GPAM: variants seen among roughly 807,000 people sequenced by gnomAD.
The protein encoded by GPAM is glycerol-3-phosphate acyltransferase, mitochondrial.
A neutral mutation model predicts 105.0 loss-of-function variants in GPAM; 56 were observed. That is an observed-to-expected ratio of 0.53 (90% CI 0.43 to 0.67). GPAM has a LOEUF of 0.67. Among genes scored for constraint, GPAM ranks in the 30% least tolerant of loss-of-function variants. The pLI is 0.00. For synonymous variants in GPAM, 368 were observed against 354.4 expected, an observed-to-expected ratio of 1.04 and a Z score of -0.43; for missense variants, 855 against 989.8, an observed-to-expected ratio of 0.86 and a Z score of 1.83.
intron 18 of GPAM, among the ~76,000 whole-genome samples, chr10:112,157,624 AG>A (rs1403872259): frequency 6.6e-6 from 1 of 152,238 alleles, no homozygotes; most frequent in Non-Finnish European, 1.5e-5. Flanking sequence ...ATCAAATAAA[AG>A]TACCCCCACA....
intron 1 of GPAM, among the ~76,000 whole-genome samples, chr10:112,183,205 A>G (rs921928960): frequency 6.6e-6 from 1 of 152,250 alleles, no homozygotes; most frequent in African/African-American, 2.4e-5. Flanking sequence ...AAATGGGCAG[A>G]ATGATAGCTC....
chr10:112,209,535 A>T (rs1847888277), intron 1 of GPAM, among the ~76,000 whole-genome samples: 1 of 152,068 alleles, frequency 6.6e-6, no homozygotes, highest in South Asian at 2.1e-4. Flanking sequence ...CCTCTCCCAC[A>T]TTGCCTGCAG....
intron 1 of GPAM, among the ~76,000 whole-genome samples, chr10:112,211,062 C>T (rs915462325): frequency 7.2e-5 from 11 of 152,210 alleles, no homozygotes; most frequent in African/African-American, 2.7e-4. Flanking sequence ...ACTGGGTCTA[C>T]AGGAAGGATG....
chr10:112,197,795 T>G (rs1202323288), intron 1 of GPAM, among the ~76,000 whole-genome samples: 4 of 151,992 alleles, frequency 2.6e-5, no homozygotes, highest in African/African-American at 9.7e-5. Context: ...ATTTCATCCA[T>G]GTCCCTACAA....
chr10:112,153,594 G>C lies in GPAM; in HGVS notation c.2443C>G (p.Arg815Gly), dbSNP rs1347136245. ...LSSTFLPQCN[R>G]QKLLEYILSF... Reference sequence around the variant, plus strand: ...AGAATATATTCTAGAAGTTTTTGTCGGTTGCATTGAGGTAGAAAAGTGCTG... The same window carrying C: ...AGAATATATTCTAGAAGTTTTTGTCCGTTGCATTGAGGTAGAAAAGTGCTG... The change falls in exon 22 of 22, where the codon CGA becomes GGA. Residue 815 changes from arginine to glycine, a missense_variant. Transcript: ENST00000348367. The C allele has an allele frequency of 6.2e-7, 1 of 1,613,932 alleles. No homozygotes were observed. Among genetic ancestry groups the C allele is most frequent in the Non-Finnish European group, 8.5e-7 (1 of 1,179,916 alleles).
intron 1 of GPAM, among the ~76,000 whole-genome samples, chr10:112,210,806 G>C (rs766538814): frequency 1.3e-5 from 2 of 152,212 alleles, no homozygotes; most frequent in Non-Finnish European, 2.9e-5. Flanking sequence ...ACTAATAAGA[G>C]CTCACAATAG....
chr10:112,197,748 T>G (rs1313633389), intron 1 of GPAM, among the ~76,000 whole-genome samples: 1 of 150,650 alleles, frequency 6.6e-6, no homozygotes, highest in East Asian at 1.9e-4. Context: ...TTTGGTTTTT[T>G]GTTCTTGCGA....
At chr10:112,175,972 T>G (rs1438113366) in intron 5 of GPAM, among the ~76,000 whole-genome samples, 2 of 152,124 alleles carry the variant, frequency 1.3e-5, no homozygotes, top group Non-Finnish European at 2.9e-5. Context: ...AACCCTAATA[T>G]GAAAACAAAA....
At position 112,160,090 on chromosome 10, in the gene GPAM, A is replaced by G. The variant is rs575224323; in HGVS notation, c.1760-37T>C. 3.2e-5 allele frequency: 52 copies of G among 1,609,110 alleles called. No individual in the cohort carries two copies. In the South Asian group the frequency reaches 5.7e-4, roughly 18 times the overall value. Reference sequence around the variant, plus strand: ...AAAGCAACAATGAAGTTGCCAGCTCAAAGTCTCCAAGAAAAACTTCAACTG... The same window carrying G: ...AAAGCAACAATGAAGTTGCCAGCTCGAAGTCTCCAAGAAAAACTTCAACTG... On this transcript the variant is annotated intron_variant, in intron 16 of 21. Coordinates refer to ENST00000348367, the MANE Select transcript of GPAM (RefSeq NM_001244949.2).
chr10:112,192,016 G>C (rs1159879407), intron 1 of GPAM, among the ~76,000 whole-genome samples: 1 of 152,194 alleles, frequency 6.6e-6, no homozygotes, highest in African/African-American at 2.4e-5. Context: ...GCAGAGCCCA[G>C]GCAAGGTGCA....
intron 8 of GPAM, 37 bp from the exon 9 acceptor site, chr10:112,172,355 T>C (rs752956954): frequency 4.3e-5 from 68 of 1,592,568 alleles, no homozygotes; most frequent in Admixed American, 3.3e-5. Flanking sequence ...AAAACTCAAA[T>C]GTAAAATTCA....
intron 6 of GPAM, among the ~76,000 whole-genome samples, chr10:112,174,255 ATTTACT>A (rs897493057): frequency 4.6e-5 from 7 of 152,220 alleles, no homozygotes; most frequent in Non-Finnish European, 1.0e-4. Flanking sequence ...TGAAGACTTA[ATTTACT>A]TTTAATTTGT....
intron 21 of GPAM, 132 bp downstream of exon 21, chr10:112,154,497 T>C (rs932294995): frequency 1.4e-6 from 1 of 715,866 alleles, no homozygotes. Context: ...TTCCCAAAAA[T>C]GCCTTTATCA....
intron 1 of GPAM, among the ~76,000 whole-genome samples, chr10:112,202,545 T>A (rs1448748281): frequency 1.3e-5 from 2 of 152,248 alleles, no homozygotes; most frequent in South Asian, 4.1e-4. Flanking sequence ...GACTGAATTA[T>A]AACCATCACT....
At position 112,168,693 on chromosome 10, in the gene GPAM, TAACAAC is replaced by T. The variant is rs374622483; in HGVS notation, c.894+154_894+159del. ...CTCCTCCAATGCTATATTTTGGTAA[TAACAAC>T]AACAACAACAACAACAAATTACCAA... is the stretch of plus-strand genomic sequence containing the variant. On this transcript the variant is annotated intron_variant, in intron 10 of 21. Transcript: ENST00000348367. 2.9e-3 allele frequency among the ~76,000 whole-genome samples: 442 copies of T among 152,078 alleles called. 1 individual carries two copies. The highest frequency in any genetic ancestry group is 0.01 in the African/African-American group (417 of 41,514).
intron 1 of GPAM, among the ~76,000 whole-genome samples, chr10:112,196,181 T>A (rs1403542112): frequency 3.3e-5 from 5 of 152,172 alleles, no homozygotes; most frequent in African/African-American, 1.2e-4. Context: ...AGAGACTTAT[T>A]TTTATTGTTT....
At chr10:112,179,078 G>T (rs1035426802) in intron 4 of GPAM, among the ~76,000 whole-genome samples, 2 of 152,126 alleles carry the variant, frequency 1.3e-5, no homozygotes, top group African/African-American at 4.8e-5. Flanking sequence ...TCTCTTTAGA[G>T]AAAAGGAAAA....
intron 11 of GPAM, 88 bp from the exon 12 acceptor site, chr10:112,166,603 T>A: frequency 1.2e-6 from 1 of 816,028 alleles, no homozygotes; most frequent in South Asian, 1.3e-5. Context: ...ACTTGTTTTA[T>A]GGAAACTGTA....
chr10:112,216,229 TA>T (rs1847966390), upstream of GPAM, among the ~76,000 whole-genome samples: 2 of 152,344 alleles, frequency 1.3e-5, no homozygotes, highest in Admixed American at 1.3e-4. Flanking sequence ...GGAACCCTCT[TA>T]TTAGGTAAAT....
Sources: gnomAD v4.1 joint callset for allele counts (sites outside exome capture counted in the v4.1 genomes callset) on GRCh38, gnomAD v4.1.1 for gene constraint, MANE v1.5 for transcripts, NCBI Gene and HGNC (gene_info 2026-07-23, HGNC 2026-07-21) for gene names.